The following AGBL4 variants were observed in gnomAD, a reference collection of about 807,000 sequenced individuals.
AGBL4 encodes the protein AGBL carboxypeptidase 4.
AGBL4 carries 58 observed loss-of-function variants against 66.4 expected under a neutral mutation model. The observed-to-expected ratio is 0.87, with a 90% confidence interval of 0.71 to 1.09. The LOEUF (loss-of-function observed/expected upper bound fraction) is 1.09, where lower values mean the gene tolerates loss of function less well. Among genes scored for constraint, AGBL4 ranks in the 50% least tolerant of loss-of-function variants. AGBL4 has a pLI of 0.00. For synonymous variants in AGBL4, 234 were observed against 222.9 expected (o/e 1.05, Z -0.44); for missense variants, 579 against 631.0 (o/e 0.92, Z 0.88).
At chr1:49,825,771 C>T (rs913204805) in intron 2 of AGBL4, among the ~76,000 whole-genome samples, 1 of 152,092 alleles carries the variant, frequency 6.6e-6, no homozygotes, top group Non-Finnish European at 1.5e-5. Flanking sequence ...CCCTGGATCT[C>T]TAACCTGCTG....
At chr1:49,604,876 A>T (rs1390835542) in intron 3 of AGBL4, among the ~76,000 whole-genome samples, 1 of 152,154 alleles carries the variant, frequency 6.6e-6, no homozygotes, top group African/African-American at 2.4e-5. Flanking sequence ...TCTCAGAAAG[A>T]TTATCATATA....
At chr1:49,793,038 G>A (rs1034658084) in intron 2 of AGBL4, among the ~76,000 whole-genome samples, 1 of 151,942 alleles carries the variant, frequency 6.6e-6, no homozygotes. Context: ...TTGCATAAAT[G>A]ACTACCACCT....
intron 3 of AGBL4, among the ~76,000 whole-genome samples, chr1:49,579,011 G>T (rs910648444): frequency 2.0e-4 from 31 of 152,060 alleles, no homozygotes; most frequent in South Asian, 4.2e-4. Context: ...ATATAAAGCC[G>T]GCAGAAAAAT....
intron 5 of AGBL4, 67 bp from the exon 6 acceptor site, chr1:48,867,297 A>C (rs61785986): frequency 6.5e-7 from 1 of 1,532,022 alleles, no homozygotes; most frequent in Non-Finnish European, 9.0e-7. Flanking sequence ...TTAGCAGGTC[A>C]GGGCGGACAA....
chr1:49,276,528 T>C (rs531364582), intron 3 of AGBL4, among the ~76,000 whole-genome samples: 1 of 152,340 alleles, frequency 6.6e-6, no homozygotes, highest in South Asian at 2.1e-4. Context: ...CTTGTGTCTG[T>C]AGACAATCTG....
At chr1:49,369,447 A>G (rs1570541599) in intron 3 of AGBL4, among the ~76,000 whole-genome samples, 1 of 152,208 alleles carries the variant, frequency 6.6e-6, no homozygotes. Context: ...ATTTTCAGAT[A>G]CTAGAAAAAA....
intron 3 of AGBL4, among the ~76,000 whole-genome samples, chr1:49,458,369 T>C (rs1300472376): frequency 6.6e-6 from 1 of 151,850 alleles, no homozygotes; most frequent in Non-Finnish European, 1.5e-5. Flanking sequence ...TGTTGCTGTA[T>C]AGCAGTGCTA....
intron 11 of AGBL4, among the ~76,000 whole-genome samples, chr1:48,556,931 A>AT (rs957646147): frequency 6.6e-6 from 1 of 152,098 alleles, no homozygotes; most frequent in African/African-American, 2.4e-5. Context: ...CCAGGACTAC[A>AT]GGGGCATGCC....
chr1:49,348,762 G>A (rs1026396841), intron 3 of AGBL4, among the ~76,000 whole-genome samples: 5 of 152,178 alleles, frequency 3.3e-5, no homozygotes, highest in Non-Finnish European at 7.4e-5. Flanking sequence ...ACGAATAGAA[G>A]CTTTCATTTT....
chr1:49,617,730 T>G (rs1645275870), intron 3 of AGBL4, among the ~76,000 whole-genome samples: 2 of 152,230 alleles, frequency 1.3e-5, no homozygotes, highest in African/African-American at 4.8e-5. Context: ...CACTTTATAA[T>G]GTAGCTACAG....
At chr1:50,018,950 C>T (rs746554465) in intron 1 of AGBL4, among the ~76,000 whole-genome samples, 2 of 152,024 alleles carry the variant, frequency 1.3e-5, no homozygotes, top group Non-Finnish European at 2.9e-5. Flanking sequence ...TCCAAAATCA[C>T]CAAATATCTA....
chr1:48,563,961 C>T (rs1426692929), intron 11 of AGBL4, among the ~76,000 whole-genome samples: 1 of 152,182 alleles, frequency 6.6e-6, no homozygotes, highest in Non-Finnish European at 1.5e-5. Flanking sequence ...AAATATGCAG[C>T]CAGTGCTCCC....
At chr1:49,129,490 A>T (rs549294509) in intron 4 of AGBL4, among the ~76,000 whole-genome samples, 293 of 150,408 alleles carry the variant, frequency 1.9e-3, no homozygotes, top group Non-Finnish European at 3.4e-3. Context: ...CAGTCCCCAG[A>T]GTGTGATGCT....
At chr1:49,113,263 G>A (rs923799290) in intron 4 of AGBL4, among the ~76,000 whole-genome samples, 6 of 150,878 alleles carry the variant, frequency 4.0e-5, no homozygotes, top group African/African-American at 1.5e-4. Flanking sequence ...AATTTTTTTT[G>A]ACAAGGAGTT....
chr1:48,875,816 GC>G (rs1280344957), intron 5 of AGBL4, among the ~76,000 whole-genome samples: 2 of 152,174 alleles, frequency 1.3e-5, no homozygotes, highest in African/African-American at 4.8e-5. Flanking sequence ...AGGTATTGTT[GC>G]CCTTTTTTAC....
chr1:49,660,463 G>A (rs1019858487), intron 3 of AGBL4, among the ~76,000 whole-genome samples: 4 of 152,258 alleles, frequency 2.6e-5, no homozygotes, highest in African/African-American at 9.6e-5. Flanking sequence ...AGATGTTGGC[G>A]AGGTTGTGGA....
At chr1:49,066,941 G>A (rs981041272) in intron 4 of AGBL4, among the ~76,000 whole-genome samples, 2 of 152,086 alleles carry the variant, frequency 1.3e-5, no homozygotes, top group African/African-American at 2.4e-5. Context: ...TGCTAAATTC[G>A]GCAACACATT....
chr1:49,997,163 C>T (rs543890278), intron 1 of AGBL4, among the ~76,000 whole-genome samples: 2 of 152,068 alleles, frequency 1.3e-5, no homozygotes, highest in East Asian at 3.9e-4. Context: ...ATGAGGTATT[C>T]GGGCAACAGA....
At chr1:48,905,231 T>G (rs769443771) in intron 5 of AGBL4, among the ~76,000 whole-genome samples, 1 of 152,160 alleles carries the variant, frequency 6.6e-6, no homozygotes, top group East Asian at 1.9e-4. Context: ...TGAAAGACAC[T>G]TACAACAAGA....
Sources: allele counts gnomAD v4.1 joint callset (sites outside exome capture counted in the v4.1 genomes callset), GRCh38; gene constraint gnomAD v4.1.1; transcripts MANE v1.5; gene names NCBI Gene and HGNC (gene_info 2026-07-23, HGNC 2026-07-21).